Variants in DDI2 observed in about 807,000 individuals in gnomAD.
DDI2 encodes the protein protein DDI1 homolog 2.
DDI2 carries 5 observed loss-of-function variants against 48.1 expected under a neutral mutation model. The observed-to-expected ratio is 0.10, with a 90% CI of 0.05 to 0.22. The LOEUF (loss-of-function observed/expected upper bound fraction) is 0.22, where lower values mean the gene tolerates loss of function less well. Ranked by LOEUF, DDI2 falls within the 10% of genes least tolerant of loss-of-function variation. The pLI, the probability that DDI2 is intolerant of heterozygous loss-of-function variation, is 1.00. For missense variants in DDI2, 285 were observed against 506.2 expected, an observed-to-expected ratio of 0.56 and a Z score of 4.19; for synonymous variants, 205 against 183.6, an observed-to-expected ratio of 1.12 and a Z score of -0.94.
At chr1:15,650,885 C>T (rs770580583) in intron 7 of DDI2, among the ~76,000 whole-genome samples, 1 of 152,116 alleles carries the variant, frequency 6.6e-6, no homozygotes, top group Non-Finnish European at 1.5e-5. Flanking sequence ...GATAGCGTCT[C>T]GCTCAGTTGC....
intron 5 of DDI2, among the ~76,000 whole-genome samples, chr1:15,642,795 C>T (rs961206388): frequency 3.3e-5 from 5 of 152,190 alleles, no homozygotes; most frequent in African/African-American, 1.2e-4. Flanking sequence ...GTGCCGGGTG[C>T]AGTGGCTCAC....
intron 8 of DDI2, among the ~76,000 whole-genome samples, chr1:15,653,611 C>T (rs1457954380): frequency 6.6e-6 from 1 of 152,050 alleles, no homozygotes; most frequent in Non-Finnish European, 1.5e-5. Context: ...ATCCTCCCAT[C>T]TCCCCTTCCT....
intron 5 of DDI2, among the ~76,000 whole-genome samples, chr1:15,642,792 G>C (rs1640030512): frequency 6.6e-6 from 1 of 152,210 alleles, no homozygotes; most frequent in South Asian, 2.1e-4. Context: ...GACGTGCCGG[G>C]TGCAGTGGCT....
chr1:15,661,392 T>C lies in DDI2; in HGVS notation c.*1602T>C. The C allele has an allele frequency of 6.2e-7, 1 of 1,614,228 alleles. No homozygotes were observed. The highest frequency in any genetic ancestry group is 8.5e-7 in the Non-Finnish European group (1 of 1,180,038). ...AGGAGGATGCACTCAATCAGACTTC[T>C]GAGCAAACTAAGTCTTTGTCATCCA... On this transcript the variant is annotated 3_prime_UTR_variant, in exon 10 of 10. Transcript: ENST00000480945.
At chr1:15,632,931 T>TTAA (rs1491214338) in intron 3 of DDI2, among the ~76,000 whole-genome samples, 6 of 106,024 alleles carry the variant, frequency 5.7e-5, no homozygotes, top group Non-Finnish European at 9.3e-5. Flanking sequence ...TTTTTTTTTT[T>TTAA]AAAAAAAAAA....
chr1:15,639,275 C>T, intron 5 of DDI2, among the ~76,000 whole-genome samples: 1 of 152,052 alleles, frequency 6.6e-6, no homozygotes, highest in Non-Finnish European at 1.5e-5. Context: ...GGGTGTATGA[C>T]TGAGTGGTCT....
rs540934523 is a variant in DDI2 at position 15,668,540 on chromosome 1, C to T, written c.*8750C>T. 6.6e-6 allele frequency: 1 copy of T among 152,268 alleles called. No individual in the cohort carries two copies. The highest frequency in any genetic ancestry group is 2.1e-4 in the South Asian group (1 of 4,824). The allele number at this position is 152,268 out of a possible 1,614,324, so 9.4% of individuals were successfully genotyped here. Reference sequence around the variant, plus strand: ...GCAAGTTGGGCTAATGGACTTTGCACTCAAGAAAGGTTTGTTTACCAGTTT... The same window carrying T: ...GCAAGTTGGGCTAATGGACTTTGCATTCAAGAAAGGTTTGTTTACCAGTTT... On this transcript the variant is annotated 3_prime_UTR_variant, in exon 10 of 10. Transcript: ENST00000480945.
intron 6 of DDI2, among the ~76,000 whole-genome samples, chr1:15,647,443 C>T (rs1348213368): frequency 6.6e-6 from 1 of 152,188 alleles, no homozygotes; most frequent in Non-Finnish European, 1.5e-5. Flanking sequence ...GCTGCTGCGC[C>T]TGGCTGGTGA....
chr1:15,660,072 G>T lies in DDI2; in HGVS notation c.*282G>T, dbSNP rs1439051831. 1 of 1,613,890 alleles carries T rather than the reference G, an allele frequency of 6.2e-7. No individual in the cohort carries two copies. The highest frequency in any genetic ancestry group is 1.1e-5 in the South Asian group (1 of 91,050). On this transcript the variant is annotated 3_prime_UTR_variant, in exon 10 of 10. Coordinates refer to ENST00000480945, the MANE Select transcript of DDI2 (RefSeq NM_032341.5). Reference sequence around the variant, plus strand: ...CTGAATTCCAGCTAAACTCTGAAAAGAAAGAACATCTTTCTTTACAAGATC... The same window carrying T: ...CTGAATTCCAGCTAAACTCTGAAAATAAAGAACATCTTTCTTTACAAGATC...
At chr1:15,658,838 T>C (rs1640314826) in intron 9 of DDI2, among the ~76,000 whole-genome samples, 1 of 152,122 alleles carries the variant, frequency 6.6e-6, no homozygotes, top group Admixed American at 6.6e-5. Context: ...CTGGAAATGA[T>C]GTTTAATGAT....
At chr1:15,628,049 G>A (rs550747245) in intron 2 of DDI2, among the ~76,000 whole-genome samples, 5 of 152,158 alleles carry the variant, frequency 3.3e-5, no homozygotes, top group South Asian at 2.1e-4. Context: ...TATTAATTCC[G>A]GAATTTACTT....
At chr1:15,620,682 TTATG>T (rs1639645225) in intron 1 of DDI2, among the ~76,000 whole-genome samples, 1 of 152,234 alleles carries the variant, frequency 6.6e-6, no homozygotes, top group South Asian at 2.1e-4. Context: ...TATGCTTCTG[TTATG>T]TATATAATAC....
chr1:15,645,365 G>A (rs1640074365), intron 6 of DDI2, among the ~76,000 whole-genome samples: 1 of 152,154 alleles, frequency 6.6e-6, no homozygotes, highest in Non-Finnish European at 1.5e-5. Flanking sequence ...GAATTATTTT[G>A]ACGATGATTT....
intron 4 of DDI2, among the ~76,000 whole-genome samples, chr1:15,636,026 TTC>T (rs1639921684): frequency 1.3e-5 from 2 of 152,324 alleles, no homozygotes; most frequent in East Asian, 1.9e-4. Flanking sequence ...GCTTTTGACT[TTC>T]TGAGTTTAAA....
At position 15,632,975 on chromosome 1, in the gene DDI2, T is replaced by A. The variant is rs535042389; in HGVS notation, c.506-464T>A. On this transcript the variant is annotated intron_variant, in intron 3 of 9. Transcript: ENST00000480945. Reference sequence around the variant, plus strand: ...TCTCACCATGTCACCCAGGCTGGAGTGTGTGGTGCGATCACAGCTCACTGC... The same window carrying A: ...TCTCACCATGTCACCCAGGCTGGAGAGTGTGGTGCGATCACAGCTCACTGC... Among the ~76,000 whole-genome samples the A allele has an allele frequency of 3.3e-4, 48 of 143,302 alleles. 1 individual carries two copies. The South Asian group carries it at 9.6e-3, about 29-fold the overall frequency. The allele number at this position is 143,302 out of a possible 152,430, so 94.0% of individuals were successfully genotyped here.
At chr1:15,646,079 T>TA (rs2103474814) in intron 6 of DDI2, among the ~76,000 whole-genome samples, 1 of 152,306 alleles carries the variant, frequency 6.6e-6, no homozygotes, top group South Asian at 2.1e-4. Flanking sequence ...TCACCTCTGT[T>TA]AAGAGTGCCT....
intron 9 of DDI2, 137 bp downstream of exon 9, chr1:15,656,816 A>G (rs959530503): frequency 2.5e-6 from 3 of 1,203,490 alleles, no homozygotes; most frequent in South Asian, 1.5e-5. Flanking sequence ...ACTAGCCTAT[A>G]TGCATTTGTA....
chr1:15,633,714 C>T, intron 4 of DDI2, 149 bp downstream of exon 4: 2 of 1,168,020 alleles, frequency 1.7e-6, no homozygotes, highest in South Asian at 2.4e-5. Flanking sequence ...GTTAGTCTCT[C>T]CTCTTTCATT....
At chr1:15,640,192 A>C (rs1055084524) in intron 5 of DDI2, among the ~76,000 whole-genome samples, 1 of 152,056 alleles carries the variant, frequency 6.6e-6, no homozygotes, top group African/African-American at 2.4e-5. Context: ...GTGAGAGACA[A>C]ATACATAGAA....
Sources: gnomAD v4.1 joint callset for allele counts (sites outside exome capture counted in the v4.1 genomes callset) on GRCh38, gnomAD v4.1.1 for gene constraint, MANE v1.5 for transcripts, NCBI Gene and HGNC (gene_info 2026-07-23, HGNC 2026-07-21) for gene names.